Variants in NCOA3 observed in about 807,000 individuals in gnomAD.
The protein encoded by NCOA3 is CBP-interacting protein.
In NCOA3, 51 loss-of-function variants were observed where a neutral mutation model predicts 158.8. That is an observed-to-expected ratio of 0.32 (90% confidence interval 0.26 to 0.41). The LOEUF (loss-of-function observed/expected upper bound fraction) is 0.41, where lower values mean the gene tolerates loss of function less well. NCOA3 is among the 10% of genes least tolerant of loss of function. NCOA3 has a pLI of 1.00. For synonymous variants in NCOA3, 537 were observed against 592.4 expected, an observed-to-expected ratio of 0.91 and a Z score of 1.36; for missense variants, 1,510 against 1,746.6, an observed-to-expected ratio of 0.86 and a Z score of 2.41.
intron 21 of NCOA3, among the ~76,000 whole-genome samples, 161 bp downstream of exon 21, chr20:47,652,741 A>C (rs1396188007): frequency 6.6e-6 from 1 of 152,244 alleles, no homozygotes; most frequent in African/African-American, 2.4e-5. Context: ...TCCTTCAAGC[A>C]CGCACATATC....
chr20:47,651,719 C>T (rs772755429), intron 20 of NCOA3, among the ~76,000 whole-genome samples: 2 of 151,750 alleles, frequency 1.3e-5, no homozygotes, highest in Non-Finnish European at 2.9e-5. Context: ...GGTTGGAGTG[C>T]AGTGGTGCGA....
chr20:47,644,586 C>T (rs760709599), intron 17 of NCOA3, among the ~76,000 whole-genome samples: 9 of 152,304 alleles, frequency 5.9e-5, no homozygotes, highest in Middle Eastern at 3.4e-3. Context: ...AAGAGTGAGA[C>T]ATTAAGAAGC....
intron 1 of NCOA3, among the ~76,000 whole-genome samples, chr20:47,533,346 G>A (rs1487213726): frequency 1.5e-5 from 2 of 135,970 alleles, no homozygotes; most frequent in East Asian, 2.1e-4. Context: ...TCAAATTAAA[G>A]CATTTCTTTT....
At chr20:47,504,664 C>T (rs1306109233) in intron 1 of NCOA3, among the ~76,000 whole-genome samples, 3 of 151,436 alleles carry the variant, frequency 2.0e-5, no homozygotes, top group Admixed American at 6.6e-5. Context: ...ATTAGCCGGG[C>T]GTGGTGGCGA....
chr20:47,574,488 ATTT>A, intron 1 of NCOA3, among the ~76,000 whole-genome samples: 2 of 144,080 alleles, frequency 1.4e-5, no homozygotes. Flanking sequence ...GTATATTTTG[ATTT>A]TTTTTTTTTT....
chr20:47,590,357 C>T (rs2085609117), intron 2 of NCOA3, among the ~76,000 whole-genome samples: 1 of 152,120 alleles, frequency 6.6e-6, no homozygotes, highest in South Asian at 2.1e-4. Context: ...GTCTCACTCT[C>T]TTGACCTACC....
At position 47,606,097 on chromosome 20, in the gene NCOA3, G is replaced by A. The variant is rs912197781; in HGVS notation, c.-19-16132G>A. ...TTCTGGCAAGTGACCCTCTACTGTA[G>A]CCTCCCAAAGTATTGGGATTATAGG... On this transcript the variant is annotated intron_variant, in intron 2 of 22. Transcript: ENST00000371998. Among the ~76,000 whole-genome samples the A allele has an allele frequency of 7.2e-5, 11 of 152,262 alleles. No individual in the cohort carries two copies. In the East Asian group the frequency reaches 2.1e-3, roughly 29 times the overall value.
chr20:47,505,635 G>T (rs968660561), intron 1 of NCOA3, among the ~76,000 whole-genome samples: 4 of 151,972 alleles, frequency 2.6e-5, no homozygotes, highest in African/African-American at 9.7e-5. Context: ...ATTACTGAGC[G>T]GTTAAAGCTC....
intron 1 of NCOA3, among the ~76,000 whole-genome samples, chr20:47,570,941 C>T (rs77471868): frequency 0.026 from 2,696 of 102,468 alleles, 82 homozygotes; most frequent in African/African-American, 0.09. Flanking sequence ...AATATATATA[C>T]ACACACACAC....
intron 2 of NCOA3, among the ~76,000 whole-genome samples, chr20:47,594,788 ATTTTTTTTTTTTT>A (rs768342979): frequency 5.9e-5 from 6 of 102,416 alleles, no homozygotes; most frequent in Admixed American, 3.9e-4. Flanking sequence ...AGAATACCTG[ATTTTTTTTTTTTT>A]TTTTTTTTGG....
intron 16 of NCOA3, among the ~76,000 whole-genome samples, chr20:47,641,708 G>T (rs1602532121): frequency 6.6e-6 from 1 of 151,070 alleles, no homozygotes; most frequent in East Asian, 1.9e-4. Context: ...CCATTCACAG[G>T]ATGGTCTCGA....
chr20:47,552,930 ATT>A (rs11407921), intron 1 of NCOA3, among the ~76,000 whole-genome samples: 15 of 142,662 alleles, frequency 1.1e-4, no homozygotes, highest in East Asian at 2.0e-4. Context: ...ACATGGTTAG[ATT>A]TTTTTTTTTT....
chr20:47,574,434 A>G (rs1241628880), intron 1 of NCOA3, among the ~76,000 whole-genome samples: 2 of 151,784 alleles, frequency 1.3e-5, no homozygotes, highest in African/African-American at 2.4e-5. Context: ...TACTTAATAC[A>G]TTATTAATTA....
chr20:47,598,370 C>T (rs1399069731), intron 2 of NCOA3, among the ~76,000 whole-genome samples: 1 of 151,732 alleles, frequency 6.6e-6, no homozygotes, highest in Non-Finnish European at 1.5e-5. Context: ...GAGTTTCGCT[C>T]TGTCGCTCAG....
rs956405529 is a variant in NCOA3, at chr20:47,505,838, G to T, written c.-99+3819G>T. On this transcript the variant is annotated intron_variant, in intron 1 of 22. Coordinates refer to ENST00000371998, the MANE Select transcript of NCOA3 (RefSeq NM_181659.3). ...TTTTTTTGAGACAGAGTCTCACTCT[G>T]TTGCTCAGGCTGGAGTGCAGTGGCA... Among the ~76,000 whole-genome samples, 4 of 121,542 alleles carry T rather than the reference G, an allele frequency of 3.3e-5. No homozygotes were observed. The South Asian group carries it at 7.7e-4, about 23-fold the overall frequency. 79.7% of individuals were successfully genotyped at this position (121,542 alleles called of 152,430 possible).
chr20:47,577,394 G>A (rs1200492379), intron 1 of NCOA3, among the ~76,000 whole-genome samples: 2 of 152,140 alleles, frequency 1.3e-5, no homozygotes, highest in Non-Finnish European at 2.9e-5. Flanking sequence ...AATGGTTTTG[G>A]ATTTGTCTTG....
rs1219073569 is a variant in NCOA3 at position 47,653,076 on chromosome 20, T to C, written c.4263+4T>C. 1 of 1,614,046 alleles carries C rather than the reference T, an allele frequency of 6.2e-7. No homozygotes were observed. Among genetic ancestry groups the C allele is most frequent in the Non-Finnish European group, 8.5e-7 (1 of 1,179,940 alleles). On this transcript the variant is annotated splice_donor_region_variant and intron_variant, in intron 22 of 22. Coordinates refer to ENST00000371998, the MANE Select transcript of NCOA3 (RefSeq NM_181659.3). ...CATGCCTATGGGTCCTGATCAGGTA[T>C]GGGATCGATTCCTTACCTTTTTCAA...
At chr20:47,558,820 C>CT (rs56997127) in intron 1 of NCOA3, among the ~76,000 whole-genome samples, 35,565 of 113,794 alleles carry the variant, frequency 0.31, 6,817 homozygotes, top group Non-Finnish European at 0.38. Context: ...ACTTTTTTCA[C>CT]TTTTTTTTTT....
intron 1 of NCOA3, among the ~76,000 whole-genome samples, chr20:47,535,293 A>G (rs1334309197): frequency 2.0e-5 from 3 of 152,172 alleles, no homozygotes; most frequent in Admixed American, 6.6e-5. Flanking sequence ...CCATAGCAGC[A>G]TCTAGGGTTG....
Sources: allele counts gnomAD v4.1 joint callset (sites outside exome capture counted in the v4.1 genomes callset), GRCh38; gene constraint gnomAD v4.1.1; transcripts MANE v1.5; gene names NCBI Gene and HGNC (gene_info 2026-07-23, HGNC 2026-07-21).